Variants in DZIP1 observed in about 807,000 individuals in gnomAD.
DZIP1 encodes the protein cilium assembly protein DZIP1.
Under a neutral mutation model 107.6 loss-of-function variants are expected in DZIP1, and 97 were observed. The ratio of observed to expected loss-of-function variants is 0.90; its 90% CI spans 0.77 to 1.07. The LOEUF (loss-of-function observed/expected upper bound fraction) is 1.07. Among genes scored for constraint, DZIP1 ranks in the 50% least tolerant of loss-of-function variants. The pLI, the probability that DZIP1 is intolerant of heterozygous loss-of-function variation, is 0.00. For synonymous variants in DZIP1, 390 were observed against 386.4 expected (o/e 1.01, Z -0.11); for missense variants, 1,035 against 1,063.6 (o/e 0.97, Z 0.37).
Position 95,590,258 on chromosome 13 carries a change from T to C in DZIP1, c.1843+21A>G, listed in dbSNP as rs936407118. Reference sequence around the variant, plus strand: ...AAAGTTGTTAAATTAAGCTCCCATTTGCAGTGGGTAACAAGCTTACCTGAA... The same window carrying C: ...AAAGTTGTTAAATTAAGCTCCCATTCGCAGTGGGTAACAAGCTTACCTGAA... On this transcript the variant is annotated intron_variant, in intron 17 of 22. Coordinates refer to ENST00000376829, the MANE Select transcript of DZIP1 (RefSeq NM_198968.4). The C allele has an allele frequency of 6.4e-6, 10 of 1,563,466 alleles. No individual in the cohort carries two copies. The East Asian group carries it at 2.0e-4, about 32-fold the overall frequency.
chr13:95,582,271 A>G lies in DZIP1; in HGVS notation c.2567T>C (p.Val856Ala), dbSNP rs773179429. ...AGTGTCGCTCCAATCAGTCACAGTT[A>G]CTAAGCTGCTTTTTAATGTGCTTGA... ...NESSTLKSSLVTVTDWSDTSD... is the reference protein window; with the variant it reads ...NESSTLKSSLATVTDWSDTSD... Residue 856 changes from valine to alanine, a missense_variant, in exon 23 of 23, where the codon GTA becomes GCA. Physicochemically the swap from Val to Ala is moderately conservative, Grantham distance 64. Coordinates refer to ENST00000376829, the MANE Select transcript of DZIP1 (RefSeq NM_198968.4). 3 of 1,614,184 alleles carry G rather than the reference A, an allele frequency of 1.9e-6. No homozygotes were observed.
chr13:95,633,666 G>A (rs1027398537), intron 5 of DZIP1, among the ~76,000 whole-genome samples: 16 of 137,238 alleles, frequency 1.2e-4, no homozygotes, highest in African/African-American at 2.5e-4. Context: ...ACAACAGAGC[G>A]AGACTCCATC....
intron 13 of DZIP1, among the ~76,000 whole-genome samples, chr13:95,608,705 G>A (rs187399134): frequency 6.6e-6 from 1 of 152,108 alleles, no homozygotes; most frequent in African/African-American, 2.4e-5. Flanking sequence ...AGACTGAGAG[G>A]TTAAAACCAT....
chr13:95,595,803 G>A (rs2044436196), intron 15 of DZIP1, among the ~76,000 whole-genome samples: 2 of 152,144 alleles, frequency 1.3e-5, no homozygotes. Context: ...CTAAAAAGAG[G>A]CTCTGGGCCC....
At chr13:95,609,649 T>C (rs2044915591) in intron 12 of DZIP1, 136 bp from the exon 13 acceptor site, 2 of 472,052 alleles carry the variant, frequency 4.2e-6, no homozygotes, top group Admixed American at 4.3e-5. Flanking sequence ...ACCAGGAGAA[T>C]AAATATGTGT....
chr13:95,615,702 C>G (rs1490901273), intron 10 of DZIP1, among the ~76,000 whole-genome samples: 1 of 152,188 alleles, frequency 6.6e-6, no homozygotes, highest in African/African-American at 2.4e-5. Flanking sequence ...TCCTTCCCGG[C>G]TGGGAGCTTC....
chr13:95,628,201 C>G (rs1327572216), intron 7 of DZIP1, among the ~76,000 whole-genome samples: 6 of 152,128 alleles, frequency 3.9e-5, no homozygotes, highest in African/African-American at 1.4e-4. Context: ...TGCCACCACA[C>G]TTAGCTAATT....
chr13:95,621,775 TG>T (rs1194345546), intron 9 of DZIP1, among the ~76,000 whole-genome samples: 1 of 150,512 alleles, frequency 6.6e-6, no homozygotes, highest in African/African-American at 2.4e-5. Flanking sequence ...TGGAGTGCAA[TG>T]GCGTGATCTC....
intron 6 of DZIP1, among the ~76,000 whole-genome samples, 156 bp from the exon 7 acceptor site, chr13:95,630,269 A>T (rs1877038730): frequency 6.6e-6 from 1 of 152,026 alleles, no homozygotes; most frequent in African/African-American, 2.4e-5. Flanking sequence ...TTTGCTCTTT[A>T]GTTTATTTGG....
At chr13:95,627,939 A>C (rs1421585382) in intron 7 of DZIP1, among the ~76,000 whole-genome samples, 1 of 152,216 alleles carries the variant, frequency 6.6e-6, no homozygotes, top group Non-Finnish European at 1.5e-5. Context: ...ACCTACATAC[A>C]ATGGAATATT....
rs375096717 is a variant in DZIP1, at chr13:95,582,183, T to C, written c.*51A>G. The C allele has an allele frequency of 7.5e-5, 118 of 1,564,858 alleles. No individual in the cohort carries two copies. Among genetic ancestry groups the C allele is most frequent in the Non-Finnish European group, 1.0e-4 (117 of 1,135,626 alleles). On this transcript the variant is annotated 3_prime_UTR_variant, in exon 23 of 23. Coordinates refer to ENST00000376829, the MANE Select transcript of DZIP1 (RefSeq NM_198968.4). The stretch of plus-strand genomic sequence containing the variant: ...TCATGGAGGCAAATTACTGAAACAC[T>C]GTGATACTGAAATACTGCTGGCTTC...
chr13:95,579,210 A>G lies in DZIP1; in HGVS notation c.*3024T>C, dbSNP rs1046890609. 5.9e-5 allele frequency: 9 copies of G among 152,182 alleles called. No homozygotes were observed. Among genetic ancestry groups the G allele is most frequent in the African/African-American group, 2.2e-4 (9 of 41,434 alleles). 9.4% of individuals were successfully genotyped at this position (152,182 alleles called of 1,614,324 possible). On this transcript the variant is annotated 3_prime_UTR_variant, in exon 23 of 23. Coordinates refer to ENST00000376829, the MANE Select transcript of DZIP1 (RefSeq NM_198968.4). ...ACTCAGAACTGACGGGCCGAGTTCT[A>G]TCTAGGTGTGTCTTCCAGAACCTGT... is the stretch of plus-strand genomic sequence containing the variant.
rs145167024 is a variant in DZIP1 at position 95,605,027 on chromosome 13, T to C, written c.1477+976A>G. ...TGGAGAATTTACACATTACGTATTGTGATCACATACTCAAGACAACTGACC... is the reference window on the plus strand; with the variant it reads ...TGGAGAATTTACACATTACGTATTGCGATCACATACTCAAGACAACTGACC... On this transcript the variant is annotated intron_variant, in intron 14 of 22. Coordinates refer to ENST00000376829, the MANE Select transcript of DZIP1 (RefSeq NM_198968.4). 8.3e-3 allele frequency among the ~76,000 whole-genome samples: 1,261 copies of C among 152,288 alleles called. 18 individuals carry two copies. The highest frequency in any genetic ancestry group is 0.028 in the African/African-American group (1,175 of 41,560).
At position 95,582,078 on chromosome 13, in the gene DZIP1, G is replaced by A; in HGVS notation, c.*156C>T. On this transcript the variant is annotated 3_prime_UTR_variant, in exon 23 of 23. Transcript: ENST00000376829. ...TGATCTGATTTTCAATACTGTATTG[G>A]GTGCCATTAAAGAGACCATTGTTCT... The A allele has an allele frequency of 1.5e-6, 1 of 653,576 alleles. No individual in the cohort carries two copies. Among genetic ancestry groups the A allele is most frequent in the Non-Finnish European group, 2.7e-6 (1 of 367,826 alleles). 40.5% of individuals were successfully genotyped at this position (653,576 alleles called of 1,614,324 possible).
chr13:95,586,034 A>G lies in DZIP1; in HGVS notation c.2321T>C (p.Ile774Thr), dbSNP rs142999421. The change falls in exon 21 of 23, where the codon ATC (isoleucine) becomes ACC (threonine). Residue 774 changes from isoleucine (I) to threonine (T), a missense_variant. Ile to Thr is a moderately conservative substitution (Grantham distance 89). Coordinates refer to ENST00000376829, the MANE Select transcript of DZIP1 (RefSeq NM_198968.4). ...TAGTTCTTGTAATTCTTCTTTTTTG[A>G]TAAACATCTCAGGGACATTAGTTCC... Reference protein sequence around the residue: ...VGGTNVPEMFIKKEELQELKC... With the variant: ...VGGTNVPEMFTKKEELQELKC... 6.2e-7 allele frequency: 1 copy of G among 1,601,462 alleles called. No individual in the cohort carries two copies. The highest frequency in any genetic ancestry group is 1.3e-5 in the African/African-American group (1 of 74,202).
intron 16 of DZIP1, among the ~76,000 whole-genome samples, chr13:95,591,022 CTTTTTT>C (rs755824494): frequency 7.8e-6 from 1 of 127,466 alleles, no homozygotes; most frequent in East Asian, 2.3e-4. Context: ...GAGGTGACTT[CTTTTTT>C]TTTTTTTTTT....
intron 6 of DZIP1, chr13:95,630,790 G>T: frequency 7.9e-7 from 1 of 1,263,762 alleles, no homozygotes; most frequent in Non-Finnish European, 1.0e-6. Context: ...AACCAAAGTA[G>T]AAAGTCAGAA....
intron 10 of DZIP1, among the ~76,000 whole-genome samples, chr13:95,617,652 AGTC>A (rs1875287511): frequency 7.3e-6 from 1 of 137,540 alleles, no homozygotes; most frequent in Non-Finnish European, 1.5e-5. Flanking sequence ...ATTAGCAGAA[AGTC>A]ATCATAGCTG....
At chr13:95,640,994 G>T (rs552643192) in intron 5 of DZIP1, among the ~76,000 whole-genome samples, 2 of 152,144 alleles carry the variant, frequency 1.3e-5, no homozygotes, top group South Asian at 2.1e-4. Context: ...TTTGTATATG[G>T]TTTTTTCATG....
Sources: allele counts gnomAD v4.1 joint callset (sites outside exome capture counted in the v4.1 genomes callset), GRCh38; gene constraint gnomAD v4.1.1; transcripts MANE v1.5; gene names NCBI Gene and HGNC (gene_info 2026-07-23, HGNC 2026-07-21).